The following TGDS variants were observed in gnomAD, a reference collection of about 807,000 sequenced individuals.
TGDS encodes the protein TDP-glucose 4,6-dehydratase, also known as UDP-D-glucose 4,6-dehydratase.
TGDS carries 47 observed loss-of-function variants against 52.3 expected under a neutral mutation model. The ratio of observed to expected loss-of-function variants is 0.90; its 90% CI spans 0.71 to 1.15. TGDS has a LOEUF of 1.15. Among genes scored for constraint, TGDS ranks in the 50% most tolerant of loss-of-function variants. TGDS has a pLI of 0.00. For missense variants in TGDS, 375 were observed against 418.4 expected, an observed-to-expected ratio of 0.90 and a Z score of 0.90; for synonymous variants, 115 against 136.9, an observed-to-expected ratio of 0.84 and a Z score of 1.12.
chr13:94,580,038 G>T (rs1281599335), intron 6 of TGDS, 85 bp from the exon 7 acceptor site: 4 of 856,702 alleles, frequency 4.7e-6, no homozygotes, highest in South Asian at 1.7e-5. Context: ...TCAAAATATG[G>T]GCACCTTTGC....
At chr13:94,592,793 G>T (rs1310803136) in intron 2 of TGDS, among the ~76,000 whole-genome samples, 1 of 152,064 alleles carries the variant, frequency 6.6e-6, no homozygotes, top group Non-Finnish European at 1.5e-5. Context: ...TAAAAAACAA[G>T]TAATTGTTAC....
At chr13:94,587,567 C>A (rs960763632) in intron 4 of TGDS, among the ~76,000 whole-genome samples, 1 of 152,114 alleles carries the variant, frequency 6.6e-6, no homozygotes, top group Non-Finnish European at 1.5e-5. Context: ...AAAGTCAAGT[C>A]TTTTCAATAA....
intron 3 of TGDS, 103 bp downstream of exon 3, chr13:94,592,138 T>C (rs1889222198): frequency 1.3e-6 from 1 of 766,708 alleles, no homozygotes; most frequent in Non-Finnish European, 2.0e-6. Flanking sequence ...CTTTAATTAG[T>C]GTTCTTTTCA....
chr13:94,592,667 G>A (rs896445298), intron 2 of TGDS, among the ~76,000 whole-genome samples: 1 of 151,952 alleles, frequency 6.6e-6, no homozygotes, highest in Non-Finnish European at 1.5e-5. Context: ...TGTTAGCCAG[G>A]ATGGTTTTGA....
intron 11 of TGDS, 144 bp downstream of exon 11, chr13:94,576,170 C>T (rs1888591450): frequency 2.0e-6 from 1 of 493,908 alleles, no homozygotes; most frequent in South Asian, 4.5e-5. Flanking sequence ...AGGACTGCTA[C>T]TAGAAATATA....
At chr13:94,580,685 GA>G (rs964475399) in intron 6 of TGDS, among the ~76,000 whole-genome samples, 1 of 150,836 alleles carries the variant, frequency 6.6e-6, no homozygotes, top group Non-Finnish European at 1.5e-5. Flanking sequence ...TACTGAAATA[GA>G]AAAAAAAATG....
At chr13:94,593,655 T>C (rs1889280032) in intron 2 of TGDS, among the ~76,000 whole-genome samples, 186 bp downstream of exon 2, 1 of 152,102 alleles carries the variant, frequency 6.6e-6, no homozygotes, top group Non-Finnish European at 1.5e-5. Context: ...ACATAAGAAA[T>C]GCAGGTTTCA....
intron 3 of TGDS, among the ~76,000 whole-genome samples, chr13:94,591,342 A>G (rs1355706959): frequency 6.6e-6 from 1 of 152,190 alleles, no homozygotes; most frequent in Non-Finnish European, 1.5e-5. Flanking sequence ...TCCCTGCACC[A>G]AAGTGAGGTG....
At chr13:94,594,131 C>A (rs957966646) in intron 1 of TGDS, among the ~76,000 whole-genome samples, 1 of 152,142 alleles carries the variant, frequency 6.6e-6, no homozygotes, top group Non-Finnish European at 1.5e-5. Context: ...TTAGACTATG[C>A]AGAAGAGAGA....
At chr13:94,592,913 T>A (rs1010449619) in intron 2 of TGDS, among the ~76,000 whole-genome samples, 6 of 152,054 alleles carry the variant, frequency 3.9e-5, no homozygotes, top group African/African-American at 1.2e-4. Context: ...TCCCAGCACT[T>A]TGGGAGACTG....
At chr13:94,586,158 T>A (rs1396864837) in intron 4 of TGDS, among the ~76,000 whole-genome samples, 1 of 152,066 alleles carries the variant, frequency 6.6e-6, no homozygotes, top group East Asian at 1.9e-4. Context: ...TACAGTAAGA[T>A]GGTAGAAATA....
At chr13:94,577,688 C>T (rs1302193580) in intron 9 of TGDS, among the ~76,000 whole-genome samples, 1 of 152,144 alleles carries the variant, frequency 6.6e-6, no homozygotes, top group East Asian at 1.9e-4. Flanking sequence ...CCCTAATATA[C>T]ATGGACATTC....
At chr13:94,591,618 T>C (rs1016861266) in intron 3 of TGDS, among the ~76,000 whole-genome samples, 4 of 152,130 alleles carry the variant, frequency 2.6e-5, no homozygotes, top group African/African-American at 9.7e-5. Flanking sequence ...ACAACTGGAA[T>C]GATATTTTGA....
rs780780778 is a variant in TGDS, at chr13:94,578,729, C to A, written c.659+1G>T. On this transcript the variant is annotated splice_donor_variant, in intron 8 of 11. Transcript: ENST00000261296. LOFTEE classifies it high-confidence loss of function. Reference sequence around the variant, plus strand: ...TGGGTAAAAAGGTAATAATAACATACCATTTCCTGTTGTGCTGTAGCAAAG... The same window carrying A: ...TGGGTAAAAAGGTAATAATAACATAACATTTCCTGTTGTGCTGTAGCAAAG... The A allele has an allele frequency of 6.5e-7, 1 of 1,530,576 alleles. No homozygotes were observed. The highest frequency in any genetic ancestry group is 9.0e-7 in the Non-Finnish European group (1 of 1,110,142). The allele number at this position is 1,530,576 out of a possible 1,614,324, so 94.8% of individuals were successfully genotyped here.
chr13:94,578,651 T>G (rs1469669420), intron 8 of TGDS, 79 bp downstream of exon 8: 1 of 1,104,150 alleles, frequency 9.1e-7, no homozygotes, highest in East Asian at 2.4e-5. Flanking sequence ...CTTTAAGACT[T>G]TATGATATTT....
At chr13:94,578,871 T>C (rs1888696810) in intron 7 of TGDS, 98 bp from the exon 8 acceptor site, 1 of 668,116 alleles carries the variant, frequency 1.5e-6, no homozygotes, top group Non-Finnish European at 2.5e-6. Flanking sequence ...GAAATATGCA[T>C]ATGGATTGCT....
intron 4 of TGDS, among the ~76,000 whole-genome samples, chr13:94,585,062 C>CA (rs1888929290): frequency 6.7e-6 from 1 of 148,600 alleles, no homozygotes. Flanking sequence ...ATAAGGAAAA[C>CA]TTTTTTTTTT....
At chr13:94,593,774 A>G in intron 2 of TGDS, 67 bp downstream of exon 2, 3 of 1,131,246 alleles carry the variant, frequency 2.7e-6, no homozygotes, top group Non-Finnish European at 3.9e-6. Context: ...ACAAGATTCT[A>G]GTACTTTTAG....
upstream of TGDS, chr13:94,596,259 G>T: frequency 9.1e-7 from 1 of 1,104,916 alleles, no homozygotes; most frequent in Non-Finnish European, 1.3e-6. Context: ...GCCAGAGGCA[G>T]CTTCCGGAGA....
Sources: allele counts gnomAD v4.1 joint callset (sites outside exome capture counted in the v4.1 genomes callset), GRCh38; gene constraint gnomAD v4.1.1; transcripts MANE v1.5; gene names NCBI Gene and HGNC (gene_info 2026-07-23, HGNC 2026-07-21).